Variants in CHD7 observed in about 807,000 individuals in gnomAD.
The protein encoded by CHD7 is chromodomain helicase DNA binding protein 7.
CHD7 carries 24 observed loss-of-function variants against 307.3 expected under a neutral mutation model. That is an observed-to-expected ratio of 0.08 (90% CI 0.06 to 0.11). The LOEUF (loss-of-function observed/expected upper bound fraction) is 0.11. Among genes scored for constraint, CHD7 ranks in the 10% least tolerant of loss-of-function variants. CHD7 has a pLI of 1.00. For synonymous variants in CHD7, 1,363 were observed against 1,349.9 expected (o/e 1.01, Z -0.21); for missense variants, 3,106 against 3,727.1 (o/e 0.83, Z 4.34).
chr8:60,787,311 A>T (rs919978463), intron 3 of CHD7, among the ~76,000 whole-genome samples: 2 of 152,162 alleles, frequency 1.3e-5, no homozygotes, highest in Admixed American at 6.5e-5. Flanking sequence ...CGTAATGATG[A>T]ATCTAGGGAG....
At chr8:60,862,815 A>ATCAT in intron 37 of CHD7, 163 bp downstream of exon 37, 1 of 489,800 alleles carries the variant, frequency 2.0e-6, no homozygotes. Context: ...TCATTAATAC[A>ATCAT]TCATTAATCC....
At chr8:60,801,615 A>T (rs1392331393) in intron 6 of CHD7, 22 bp downstream of exon 6, 2 of 1,521,154 alleles carry the variant, frequency 1.3e-6, no homozygotes, top group Non-Finnish European at 1.8e-6. Context: ...TGGAGCCATT[A>T]AAATCTGTGA....
chr8:60,680,312 TGGGGGCGCGGGGCTCGGGC>T (rs1277174645), intron 1 of CHD7, among the ~76,000 whole-genome samples: 2 of 123,006 alleles, frequency 1.6e-5, no homozygotes, highest in African/African-American at 6.2e-5. Context: ...TTGGGCTCGC[TGGGGGCGCGGGGCTCGGGC>T]GGGGGCGCGG....
At chr8:60,818,232 T>G (rs1248358622) in intron 8 of CHD7, among the ~76,000 whole-genome samples, 2 of 152,214 alleles carry the variant, frequency 1.3e-5, no homozygotes, top group African/African-American at 4.8e-5. Flanking sequence ...TGCTTTTACA[T>G]TCTTTGTTTC....
intron 1 of CHD7, among the ~76,000 whole-genome samples, chr8:60,717,158 T>A (rs1466383505): frequency 6.6e-6 from 1 of 152,028 alleles, no homozygotes; most frequent in Non-Finnish European, 1.5e-5. Flanking sequence ...GATCACTTGG[T>A]AAAGGTGAGT....
intron 1 of CHD7, among the ~76,000 whole-genome samples, chr8:60,697,323 T>C (rs1175030149): frequency 6.6e-6 from 1 of 152,240 alleles, no homozygotes; most frequent in Non-Finnish European, 1.5e-5. Context: ...GGCTATATTT[T>C]CTTCACAGGA....
intron 1 of CHD7, among the ~76,000 whole-genome samples, chr8:60,714,152 A>T (rs531158471): frequency 6.6e-6 from 1 of 151,850 alleles, no homozygotes; most frequent in African/African-American, 2.4e-5. Flanking sequence ...AGCCCGCGCG[A>T]GGACATGAGG....
In CHD7 at chr8:60,742,128, T is replaced by C; in HGVS notation, c.696T>C (p.Pro232=). ...QGNPFIATSG[P]GHLSHVPQQS... is the part of the protein sequence containing the mutation. Reference sequence around the variant, plus strand: ...ATCCTTTTATTGCCACCTCAGGACCTGGCCACTTGTCCCACGTGCCCCAGC... The same window carrying C: ...ATCCTTTTATTGCCACCTCAGGACCCGGCCACTTGTCCCACGTGCCCCAGC... The change falls in exon 2 of 38, where the codon CCT becomes CCC. Residue 232 remains proline, a synonymous_variant. Transcript: ENST00000423902. The C allele has an allele frequency of 6.2e-7, 1 of 1,613,974 alleles. No individual in the cohort carries two copies. Among genetic ancestry groups the C allele is most frequent in the Non-Finnish European group, 8.5e-7 (1 of 1,179,868 alleles).
At chr8:60,709,115 A>G (rs1299581265) in intron 1 of CHD7, among the ~76,000 whole-genome samples, 1 of 152,092 alleles carries the variant, frequency 6.6e-6, no homozygotes, top group Non-Finnish European at 1.5e-5. Context: ...TTTACATTAT[A>G]AGCTCTTTGA....
chr8:60,696,045 G>A (rs1806450963), intron 1 of CHD7, among the ~76,000 whole-genome samples: 1 of 152,162 alleles, frequency 6.6e-6, no homozygotes, highest in Admixed American at 6.5e-5. Context: ...GAAAAATTGA[G>A]AATGGTGAAA....
At chr8:60,733,953 G>C (rs963955086) in intron 1 of CHD7, among the ~76,000 whole-genome samples, 1 of 152,102 alleles carries the variant, frequency 6.6e-6, no homozygotes, top group Non-Finnish European at 1.5e-5. Context: ...AAACAGATGG[G>C]CATATCTTTA....
intron 2 of CHD7, among the ~76,000 whole-genome samples, chr8:60,778,787 A>G (rs939565626): frequency 6.6e-6 from 1 of 152,226 alleles, no homozygotes; most frequent in Non-Finnish European, 1.5e-5. Context: ...ACATTAAGGA[A>G]TAATATGTAC....
chr8:60,787,144 G>T (rs1206114316), intron 3 of CHD7, among the ~76,000 whole-genome samples: 1 of 152,046 alleles, frequency 6.6e-6, no homozygotes, highest in Non-Finnish European at 1.5e-5. Flanking sequence ...TGGGAGTTTG[G>T]TTTCTCCTGT....
chr8:60,742,607 C>G lies in CHD7; in HGVS notation c.1175C>G (p.Ser392Cys). The change falls in exon 2 of 38, where the codon TCT becomes TGT. Residue 392 changes from serine to cysteine, a missense_variant. Coordinates refer to ENST00000423902, the MANE Select transcript of CHD7 (RefSeq NM_017780.4). ...HPSQPQGTYA[S>C]PPPMSPMKAM... ...TCACAGCCTCAGGGAACTTATGCCT[C>G]TCCACCTCCCATGTCACCCATGAAA... 2 of 1,613,364 alleles carry G rather than the reference C, an allele frequency of 1.2e-6. No individual in the cohort carries two copies. Among genetic ancestry groups the G allele is most frequent in the Non-Finnish European group, 1.7e-6 (2 of 1,179,410 alleles).
At chr8:60,801,459 A>G in intron 5 of CHD7, 69 bp from the exon 6 acceptor site, 1 of 1,184,230 alleles carries the variant, frequency 8.4e-7, no homozygotes, top group Non-Finnish European at 1.2e-6. Context: ...AAGGGGAATG[A>G]TTTCTTGCTC....
chr8:60,740,099 A>G (rs1480200934), intron 1 of CHD7, among the ~76,000 whole-genome samples: 1 of 152,222 alleles, frequency 6.6e-6, no homozygotes, highest in Non-Finnish European at 1.5e-5. Flanking sequence ...CATTCTTTAA[A>G]TTAGTTATTT....
chr8:60,847,090 A>G lies in CHD7; in HGVS notation c.5211-1425A>G, dbSNP rs1805242199. Among the ~76,000 whole-genome samples, 4 of 152,210 alleles carry G rather than the reference A, an allele frequency of 2.6e-5. 1 individual carries two copies. The highest frequency in any genetic ancestry group is 2.6e-4 in the Admixed American group (4 of 15,284). On this transcript the variant is annotated intron_variant, in intron 23 of 37. Coordinates refer to ENST00000423902, the MANE Select transcript of CHD7 (RefSeq NM_017780.4). ...GTTTAATCTCATGAGTTAACAAGAG[A>G]AAAAAATCTAAAGAAATAGAAATGA...
At chr8:60,857,604 C>T (rs1014479608) in intron 34 of CHD7, among the ~76,000 whole-genome samples, 5 of 152,174 alleles carry the variant, frequency 3.3e-5, no homozygotes, top group Non-Finnish European at 5.9e-5. Flanking sequence ...TGACCAGAAG[C>T]CCCAGTCACC....
chr8:60,834,942 T>C (rs1036939257), intron 15 of CHD7, among the ~76,000 whole-genome samples: 2 of 152,248 alleles, frequency 1.3e-5, no homozygotes, highest in Non-Finnish European at 2.9e-5. Context: ...TATCCCCATC[T>C]TGTGTATAGT....
Sources: gnomAD v4.1 joint callset for allele counts (sites outside exome capture counted in the v4.1 genomes callset) on GRCh38, gnomAD v4.1.1 for gene constraint, MANE v1.5 for transcripts, NCBI Gene and HGNC (gene_info 2026-07-23, HGNC 2026-07-21) for gene names.